KCNQ5: variants seen among roughly 807,000 people sequenced by gnomAD.
The protein encoded by KCNQ5 is potassium voltage-gated channel subfamily KQT member 5.
Under a neutral mutation model 98.2 loss-of-function variants are expected in KCNQ5, and 30 were observed. That is an observed-to-expected ratio of 0.31 (90% CI 0.23 to 0.41). The LOEUF (loss-of-function observed/expected upper bound fraction) is 0.41. Among genes scored for constraint, KCNQ5 ranks in the 10% least tolerant of loss-of-function variants. KCNQ5 has a pLI of 1.00. For synonymous variants in KCNQ5, 458 were observed against 449.4 expected, an observed-to-expected ratio of 1.02 and a Z score of -0.24; for missense variants, 835 against 1,182.5, an observed-to-expected ratio of 0.71 and a Z score of 4.31.
At chr6:72,924,599 G>A (rs756829706) in intron 1 of KCNQ5, among the ~76,000 whole-genome samples, 2 of 152,170 alleles carry the variant, frequency 1.3e-5, no homozygotes, top group African/African-American at 2.4e-5. Flanking sequence ...CATGCTCAGA[G>A]CTCTCACGCA....
At chr6:72,660,328 G>T (rs1184895680) in intron 1 of KCNQ5, among the ~76,000 whole-genome samples, 1 of 152,158 alleles carries the variant, frequency 6.6e-6, no homozygotes, top group Admixed American at 6.5e-5. Context: ...CTATCTTTGA[G>T]CTTAAGCTGT....
At chr6:72,989,643 A>C (rs1174207883) in intron 1 of KCNQ5, among the ~76,000 whole-genome samples, 1 of 224 alleles carries the variant, frequency 4.5e-3, no homozygotes, top group Non-Finnish European at 7.6e-3. Context: ...TTTGCTGTGC[A>C]GAAGCTCTTT....
Position 73,107,905 on chromosome 6 carries a change from T to C in KCNQ5, c.1029+2538T>C, listed in dbSNP as rs182887129. On this transcript the variant is annotated intron_variant, in intron 6 of 13. Coordinates refer to ENST00000370398, the MANE Select transcript of KCNQ5 (RefSeq NM_019842.4). Reference sequence around the variant, plus strand: ...ATTTATTAAATGAAAGACTGAATGGTCCATATATACCTTTAGAAAAAAACA... The same window carrying C: ...ATTTATTAAATGAAAGACTGAATGGCCCATATATACCTTTAGAAAAAAACA... 3.4e-4 allele frequency among the ~76,000 whole-genome samples: 52 copies of C among 152,266 alleles called. 1 individual carries two copies. In the East Asian group the frequency reaches 4.6e-3, roughly 14 times the overall value.
intron 1 of KCNQ5, among the ~76,000 whole-genome samples, chr6:72,922,794 CTTTCTT>C (rs57815227): frequency 8.8e-6 from 1 of 113,908 alleles, no homozygotes; most frequent in Non-Finnish European, 1.7e-5. Flanking sequence ...ACCTTTCTTT[CTTTCTT>C]TTTCTTTTTC....
intron 1 of KCNQ5, among the ~76,000 whole-genome samples, chr6:72,871,361 A>G (rs1437369930): frequency 6.6e-6 from 1 of 152,218 alleles, no homozygotes; most frequent in South Asian, 2.1e-4. Context: ...CAAATGAAGT[A>G]GATTGCTAGT....
intron 1 of KCNQ5, among the ~76,000 whole-genome samples, chr6:72,966,795 CTG>C (rs1767641153): frequency 6.6e-6 from 1 of 152,170 alleles, no homozygotes; most frequent in Non-Finnish European, 1.5e-5. Flanking sequence ...TCCATACAGA[CTG>C]TGTTCAGGAA....
intron 5 of KCNQ5, among the ~76,000 whole-genome samples, chr6:73,086,450 C>T (rs1353299793): frequency 6.6e-6 from 1 of 152,130 alleles, no homozygotes; most frequent in Non-Finnish European, 1.5e-5. Context: ...TTTACCCCAT[C>T]AGGAAGCCGC....
chr6:72,652,053 T>A (rs1231514888), intron 1 of KCNQ5, among the ~76,000 whole-genome samples: 1 of 152,044 alleles, frequency 6.6e-6, no homozygotes, highest in Non-Finnish European at 1.5e-5. Context: ...TACCTCCTTC[T>A]CCTGTCTCAA....
intron 1 of KCNQ5, among the ~76,000 whole-genome samples, chr6:72,903,156 T>C (rs1779574340): frequency 6.6e-6 from 1 of 152,178 alleles, no homozygotes; most frequent in Non-Finnish European, 1.5e-5. Flanking sequence ...ATCTTTCGTA[T>C]TTCTGTGGTG....
chr6:73,033,466 C>T (rs1024420526), intron 2 of KCNQ5, among the ~76,000 whole-genome samples: 1 of 152,106 alleles, frequency 6.6e-6, no homozygotes, highest in Non-Finnish European at 1.5e-5. Context: ...ATGGATAAAT[C>T]ATTTATAAAG....
chr6:73,050,266 G>GGAAGGAAC (rs1432480762), intron 3 of KCNQ5, among the ~76,000 whole-genome samples: 7 of 94,878 alleles, frequency 7.4e-5, no homozygotes, highest in Non-Finnish European at 1.6e-4. Context: ...AGGGAAGGAA[G>GGAAGGAAC]GAAGGAAGGA....
intron 1 of KCNQ5, among the ~76,000 whole-genome samples, chr6:73,001,362 A>G (rs575127493): frequency 6.6e-6 from 1 of 152,352 alleles, no homozygotes; most frequent in East Asian, 1.9e-4. Flanking sequence ...TTATTTCAAC[A>G]CAATTGAAAA....
intron 3 of KCNQ5, among the ~76,000 whole-genome samples, chr6:73,061,775 A>G (rs1470323176): frequency 6.6e-6 from 1 of 152,200 alleles, no homozygotes; most frequent in Non-Finnish European, 1.5e-5. Context: ...GAGATGATAC[A>G]TGTAAAGTGC....
At chr6:72,820,175 C>T (rs1775687025) in intron 1 of KCNQ5, among the ~76,000 whole-genome samples, 4 of 152,168 alleles carry the variant, frequency 2.6e-5, no homozygotes. Flanking sequence ...CTTCTCTTGT[C>T]ATAGTGTGTG....
At chr6:73,171,753 G>C (rs937628420) in intron 11 of KCNQ5, among the ~76,000 whole-genome samples, 2 of 152,082 alleles carry the variant, frequency 1.3e-5, no homozygotes, top group African/African-American at 4.8e-5. Flanking sequence ...TTCACATGTT[G>C]AGTATATCCA....
intron 1 of KCNQ5, among the ~76,000 whole-genome samples, chr6:72,790,015 T>C (rs1456580027): frequency 6.6e-6 from 1 of 152,156 alleles, no homozygotes; most frequent in Non-Finnish European, 1.5e-5. Context: ...TCCTGCAGCG[T>C]CCAAATAGAA....
intron 1 of KCNQ5, among the ~76,000 whole-genome samples, chr6:72,767,171 G>A (rs1772615928): frequency 6.6e-6 from 1 of 151,930 alleles, no homozygotes; most frequent in Non-Finnish European, 1.5e-5. Context: ...TTGTCTTTTG[G>A]TATGTTAAAT....
intron 1 of KCNQ5, among the ~76,000 whole-genome samples, chr6:72,901,285 C>T (rs1779495798): frequency 6.6e-6 from 1 of 152,076 alleles, no homozygotes; most frequent in Non-Finnish European, 1.5e-5. Flanking sequence ...TGAAGATTTT[C>T]TTCCGTTCTG....
chr6:72,694,622 A>G (rs1768389464), intron 1 of KCNQ5, among the ~76,000 whole-genome samples: 1 of 152,218 alleles, frequency 6.6e-6, no homozygotes, highest in Non-Finnish European at 1.5e-5. Flanking sequence ...ACTACTTCAT[A>G]GAATGGCAGT....
Sources: allele counts gnomAD v4.1 joint callset (sites outside exome capture counted in the v4.1 genomes callset), GRCh38; gene constraint gnomAD v4.1.1; transcripts MANE v1.5; gene names NCBI Gene and HGNC (gene_info 2026-07-23, HGNC 2026-07-21).